REC114: variants seen among roughly 807,000 people sequenced by gnomAD.
REC114 encodes REC114 meiotic recombination protein.
A neutral mutation model predicts 31.3 loss-of-function variants in REC114; 27 were observed. The observed-to-expected ratio is 0.86, with a 90% CI of 0.64 to 1.19. The LOEUF (loss-of-function observed/expected upper bound fraction) is 1.19, where lower values mean the gene tolerates loss of function less well. REC114 is among the 50% of genes most tolerant of loss of function. The pLI, the probability that REC114 is intolerant of heterozygous loss-of-function variation, is 0.00. For synonymous variants in REC114, 134 were observed against 127.7 expected (o/e 1.05, Z -0.33); for missense variants, 344 against 326.9 (o/e 1.05, Z -0.40).
chr15:73,444,115 C>A (rs1892734935), intron 1 of REC114, among the ~76,000 whole-genome samples: 1 of 152,218 alleles, frequency 6.6e-6, no homozygotes, highest in Non-Finnish European at 1.5e-5. Flanking sequence ...TTCAGCAGGT[C>A]AGTCTTTTTG....
intron 2 of REC114, among the ~76,000 whole-genome samples, chr15:73,495,084 G>A (rs145995058): frequency 1.3e-5 from 2 of 152,220 alleles, no homozygotes; most frequent in Admixed American, 1.3e-4. Context: ...TTAACCATGT[G>A]AAGCCAGTAA....
chr15:73,515,484 A>T (rs187721252), intron 2 of REC114, among the ~76,000 whole-genome samples: 24 of 152,270 alleles, frequency 1.6e-4, no homozygotes, highest in Admixed American at 6.5e-4. Context: ...TTAGGGCCTG[A>T]ATTGTGTCTC....
chr15:73,445,775 A>G (rs1023798778), intron 1 of REC114, among the ~76,000 whole-genome samples: 1 of 152,214 alleles, frequency 6.6e-6, no homozygotes, highest in African/African-American at 2.4e-5. Context: ...TTCTATGGGC[A>G]TGGTTTGTGG....
At chr15:73,476,156 C>A (rs1303257707) in intron 2 of REC114, among the ~76,000 whole-genome samples, 11 of 152,042 alleles carry the variant, frequency 7.2e-5, no homozygotes, top group Admixed American at 6.6e-5. Context: ...TAGAACATAT[C>A]CTCATTGTTA....
chr15:73,448,357 C>T (rs1892797493), intron 1 of REC114, among the ~76,000 whole-genome samples: 1 of 152,118 alleles, frequency 6.6e-6, no homozygotes, highest in Admixed American at 6.5e-5. Context: ...GTGGTTTTAC[C>T]CTTACAGTGT....
chr15:73,541,016 A>G (rs1419879150), intron 3 of REC114, among the ~76,000 whole-genome samples: 1 of 152,206 alleles, frequency 6.6e-6, no homozygotes, highest in Non-Finnish European at 1.5e-5. Context: ...AGAAACAGTC[A>G]TATTAATCAC....
chr15:73,539,056 T>C (rs768109705), intron 2 of REC114, among the ~76,000 whole-genome samples: 2 of 151,876 alleles, frequency 1.3e-5, no homozygotes, highest in Admixed American at 6.6e-5. Context: ...CCGTAAGCAT[T>C]GTACCAATTT....
At chr15:73,556,194 TG>T in intron 4 of REC114, 107 bp from the exon 5 acceptor site, 2 of 886,468 alleles carry the variant, frequency 2.3e-6, no homozygotes, top group Non-Finnish European at 3.5e-6. Context: ...TCACTCTTAG[TG>T]GTATTTTCTT....
At chr15:73,485,233 G>T (rs1032735068) in intron 2 of REC114, among the ~76,000 whole-genome samples, 1 of 152,034 alleles carries the variant, frequency 6.6e-6, no homozygotes, top group East Asian at 1.9e-4. Flanking sequence ...ACAGGTGTGC[G>T]CCACTACGCC....
intron 2 of REC114, among the ~76,000 whole-genome samples, chr15:73,480,657 A>G (rs571966080): frequency 1.4e-4 from 22 of 152,216 alleles, no homozygotes; most frequent in South Asian, 6.2e-4. Context: ...CTCCTTTCAT[A>G]CTAATCTGGG....
At chr15:73,475,991 G>A (rs552110927) in intron 2 of REC114, among the ~76,000 whole-genome samples, 2 of 152,042 alleles carry the variant, frequency 1.3e-5, no homozygotes, top group African/African-American at 4.8e-5. Context: ...TTGCCTACAG[G>A]GTTCAGTACG....
At chr15:73,522,717 T>C (rs1001263720) in intron 2 of REC114, among the ~76,000 whole-genome samples, 1 of 152,240 alleles carries the variant, frequency 6.6e-6, no homozygotes, top group African/African-American at 2.4e-5. Flanking sequence ...CTAGTTTTTA[T>C]TAAGAATAAA....
intron 5 of REC114, 120 bp downstream of exon 5, chr15:73,556,511 G>A: frequency 1.2e-6 from 1 of 835,156 alleles, no homozygotes; most frequent in Non-Finnish European, 1.8e-6. Flanking sequence ...TACTCTAAAA[G>A]GTGATAGAGA....
chr15:73,542,330 CAA>C (rs749245201), intron 3 of REC114, among the ~76,000 whole-genome samples: 3 of 49,814 alleles, frequency 6.0e-5, no homozygotes. Flanking sequence ...GACTCTGTCT[CAA>C]AAAAAAAAAA....
chr15:73,464,533 A>G (rs1893030773), intron 1 of REC114, among the ~76,000 whole-genome samples: 1 of 152,006 alleles, frequency 6.6e-6, no homozygotes, highest in Non-Finnish European at 1.5e-5. Flanking sequence ...GTCATCTCCA[A>G]GAGTGGACAC....
At chr15:73,498,318 G>T (rs1310215707) in intron 2 of REC114, among the ~76,000 whole-genome samples, 2 of 152,032 alleles carry the variant, frequency 1.3e-5, no homozygotes, top group Non-Finnish European at 2.9e-5. Flanking sequence ...TTTGCTGTAG[G>T]TATTTGGAGG....
chr15:73,480,048 C>T (rs78795406), intron 2 of REC114, among the ~76,000 whole-genome samples: 380 of 152,196 alleles, frequency 2.5e-3, no homozygotes, highest in African/African-American at 8.8e-3. Flanking sequence ...TTTACATTAC[C>T]ACCAACATTG....
chr15:73,471,524 T>C (rs1246141123), intron 1 of REC114, among the ~76,000 whole-genome samples: 1 of 152,192 alleles, frequency 6.6e-6, no homozygotes, highest in Non-Finnish European at 1.5e-5. Flanking sequence ...TTAGGGGCTG[T>C]TAATTTTGAG....
intron 2 of REC114, among the ~76,000 whole-genome samples, chr15:73,480,191 A>G (rs1893273877): frequency 6.6e-6 from 1 of 152,158 alleles, no homozygotes; most frequent in African/African-American, 2.4e-5. Flanking sequence ...ATGATTAGTA[A>G]TGTTGAACAC....
Sources: allele counts gnomAD v4.1 joint callset (sites outside exome capture counted in the v4.1 genomes callset), GRCh38; gene constraint gnomAD v4.1.1; transcripts MANE v1.5; gene names NCBI Gene and HGNC (gene_info 2026-07-23, HGNC 2026-07-21).